Variants in LY6H observed in about 807,000 individuals in gnomAD.
LY6H encodes the protein lymphocyte antigen 6H.
In LY6H, 8 loss-of-function variants were observed where a neutral mutation model predicts 14.6. The observed-to-expected ratio is 0.55, with a 90% CI of 0.32 to 0.99. LY6H has a LOEUF of 0.99. Ranked by LOEUF, LY6H falls within the 50% of genes least tolerant of loss-of-function variation. The pLI, the probability that LY6H is intolerant of heterozygous loss-of-function variation, is 0.04. For missense variants in LY6H, 196 were observed against 219.6 expected, an observed-to-expected ratio of 0.89 and a Z score of 0.68; for synonymous variants, 115 against 97.2, an observed-to-expected ratio of 1.18 and a Z score of -1.08.
chr8:143,158,232 C>T lies in LY6H; in HGVS notation c.*18G>A, dbSNP rs768261089. 17 of 1,573,074 alleles carry T rather than the reference C, an allele frequency of 1.1e-5. No homozygotes were observed. The highest frequency in any genetic ancestry group is 2.2e-5 in the South Asian group (2 of 89,026). On this transcript the variant is annotated 3_prime_UTR_variant, in exon 4 of 4. Transcript: ENST00000342752. ...CTCAGGGGAGCAAGCTCAGAAGCCC[C>T]GTGGGAAGGAGGAGACATCAGGGCC...
intron 1 of LY6H, chr8:143,159,981 C>G (rs962240465): frequency 2.4e-6 from 3 of 1,232,798 alleles, no homozygotes; most frequent in Non-Finnish European, 2.0e-6. Context: ...CCCCGGGGAG[C>G]TGCAGGTGCG....
chr8:143,158,786 C>T lies in LY6H; in HGVS notation c.250+17G>A, dbSNP rs780729054. ...TGGCTTTTAGCACATTCCCCACCAC[C>T]CTAAGTCCCAACTTACTGCTGCTGG... On this transcript the variant is annotated intron_variant, in intron 3 of 3. Coordinates refer to ENST00000342752, the MANE Select transcript of LY6H (RefSeq NM_001135655.2). The T allele has an allele frequency of 2.5e-6, 4 of 1,570,778 alleles. No homozygotes were observed. The East Asian group carries it at 9.0e-5, about 35-fold the overall frequency.
chr8:143,160,061 G>T, intron 1 of LY6H, 137 bp downstream of exon 1: 2 of 907,486 alleles, frequency 2.2e-6, no homozygotes, highest in Non-Finnish European at 2.9e-6. Context: ...GCGCGTGCCA[G>T]GTCCCCACCC....
At position 143,160,247 on chromosome 8, in the gene LY6H, G is replaced by A. The variant is rs1815567700; in HGVS notation, c.-48C>T. The A allele has an allele frequency of 7.8e-7, 1 of 1,275,542 alleles. No individual in the cohort carries two copies. The highest frequency in any genetic ancestry group is 9.9e-7 in the Non-Finnish European group (1 of 1,009,976). The allele number at this position is 1,275,542 out of a possible 1,614,324, so 79.0% of individuals were successfully genotyped here. A position where few individuals can be genotyped will look rare whatever the true frequency, so the allele number is the denominator to read the frequency against. On this transcript the variant is annotated 5_prime_UTR_variant, in exon 1 of 4. Coordinates refer to ENST00000342752, the MANE Select transcript of LY6H (RefSeq NM_001135655.2). The stretch of plus-strand genomic sequence containing the variant: ...GCTCGGGCGGCGTGCGCGGCGCGGG[G>A]AGCTGTGCCCTTCGGTCTCCCTGCG...
intron 3 of LY6H, 78 bp downstream of exon 3, chr8:143,158,725 G>A (rs1815514112): frequency 7.3e-6 from 11 of 1,516,666 alleles, no homozygotes; most frequent in Non-Finnish European, 8.9e-6. Context: ...CAGGCCAGAG[G>A]GGCTCCGAGG....
In LY6H at chr8:143,159,612, G is replaced by A. The variant is rs765558327; in HGVS notation, c.100C>T (p.Leu34=). ...GCCGAGCACAGCAGGACGGCCAGCA[G>A]CGCCAGGCCGAGGCCCTTCATGGCT... is the stretch of plus-strand genomic sequence containing the variant. ...PAAMKGLGLA[L]LAVLLCSAPA... Residue 34 remains leucine, a synonymous_variant, in exon 2 of 4, where the codon CTG becomes TTG. Transcript: ENST00000342752. 2.0e-6 allele frequency: 3 copies of A among 1,494,034 alleles called. No individual in the cohort carries two copies. Among genetic ancestry groups the A allele is most frequent in the South Asian group, 1.2e-5 (1 of 80,284 alleles). 92.5% of individuals were successfully genotyped at this position (1,494,034 alleles called of 1,614,324 possible).
Position 143,160,260 on chromosome 8 carries a change from C to T in LY6H, c.-61G>A. ...GCGCGGCGCGGGGAGCTGTGCCCTT[C>T]GGTCTCCCTGCGGACCGGAATCCGG... On this transcript the variant is annotated 5_prime_UTR_variant, in exon 1 of 4. Transcript: ENST00000342752. 1.6e-6 allele frequency: 2 copies of T among 1,258,616 alleles called. No individual in the cohort carries two copies. The highest frequency in any genetic ancestry group is 2.0e-6 in the Non-Finnish European group (2 of 997,184). 78.0% of individuals were successfully genotyped at this position (1,258,616 alleles called of 1,614,324 possible).
rs569638836 is a variant in LY6H at position 143,158,295 on chromosome 8, C to T, written c.441G>A (p.Gly147=). 2.2e-4 allele frequency: 358 copies of T among 1,613,184 alleles called. 4 individuals carry two copies. The East Asian group carries it at 7.9e-3, about 36-fold the overall frequency. Residue 147 remains glycine (G), a synonymous_variant, in exon 4 of 4, where the codon GGG becomes GGA. Coordinates refer to ENST00000342752, the MANE Select transcript of LY6H (RefSeq NM_001135655.2). The stretch of plus-strand genomic sequence containing the variant: ...GGGCAGGCCCCAGGCTGAGCAGGAG[C>T]CCCCCGGCCAGGGCCCAGGGGCTGT... The part of the protein sequence containing the change: ...AGHSPWALAG[G]LLLSLGPALL...
At chr8:143,158,688 T>G in intron 3 of LY6H, 115 bp downstream of exon 3, 3 of 1,395,846 alleles carry the variant, frequency 2.1e-6, no homozygotes, top group Non-Finnish European at 2.9e-6. Context: ...GTATCCTGCC[T>G]GCCGCCCCAC....
chr8:143,159,367 A>C (rs1388844778), intron 2 of LY6H: 3 of 582,372 alleles, frequency 5.2e-6, no homozygotes, highest in Non-Finnish European at 8.6e-6. Flanking sequence ...GCCGCCCACC[A>C]GTTCCAGGCC....
chr8:143,159,328 G>A (rs1815535371), intron 2 of LY6H: 2 of 545,582 alleles, frequency 3.7e-6, no homozygotes, highest in South Asian at 2.5e-5. Flanking sequence ...CAGAGGTGAC[G>A]GATGACCAAG....
intron 3 of LY6H, 92 bp from the exon 4 acceptor site, chr8:143,158,577 C>T (rs1586673300): frequency 7.8e-7 from 1 of 1,285,120 alleles, no homozygotes; most frequent in Non-Finnish European, 1.1e-6. Flanking sequence ...TCCGGGTCAG[C>T]TCGGGGCCCC....
At chr8:143,159,462 C>T (rs1815538988) in intron 2 of LY6H, 120 bp downstream of exon 2, 4 of 1,196,594 alleles carry the variant, frequency 3.3e-6, no homozygotes, top group Non-Finnish European at 2.2e-6. Flanking sequence ...CCGGAGGGGG[C>T]GTGGGCTCTA....
At position 143,160,238 on chromosome 8, in the gene LY6H, C is replaced by T; in HGVS notation, c.-39G>A. On this transcript the variant is annotated 5_prime_UTR_variant, in exon 1 of 4. Transcript: ENST00000342752. ...GCACTCCGGGCTCGGGCGGCGTGCGCGGCGCGGGGAGCTGTGCCCTTCGGT... is the reference window on the plus strand; with the variant it reads ...GCACTCCGGGCTCGGGCGGCGTGCGTGGCGCGGGGAGCTGTGCCCTTCGGT... 1.6e-6 allele frequency: 2 copies of T among 1,279,102 alleles called. No homozygotes were observed. Among genetic ancestry groups the T allele is most frequent in the Non-Finnish European group, 2.0e-6 (2 of 1,012,316 alleles). The allele number at this position is 1,279,102 out of a possible 1,614,324, so 79.2% of individuals were successfully genotyped here.
At chr8:143,159,019 C>T (rs1289890820) in intron 2 of LY6H, 97 bp from the exon 3 acceptor site, 18 of 1,510,734 alleles carry the variant, frequency 1.2e-5, no homozygotes, top group Non-Finnish European at 1.6e-5. Flanking sequence ...GCAGGCACTC[C>T]TGGGAGAGCC....
chr8:143,159,531 C>A, intron 2 of LY6H, 51 bp downstream of exon 2: 2 of 1,445,396 alleles, frequency 1.4e-6, no homozygotes, highest in Non-Finnish European at 1.8e-6. Flanking sequence ...TCTCCCGCGG[C>A]GCCTCGGGCT....
chr8:143,158,475 A>C lies in LY6H; in HGVS notation c.261T>G (p.Asp87Glu). The change falls in exon 4 of 4, where the codon GAT becomes GAG. Residue 87 changes from aspartate (D) to glutamate (E), a missense_variant. By Grantham distance (45) the Asp-to-Glu change is conservative. Coordinates refer to ENST00000342752, the MANE Select transcript of LY6H (RefSeq NM_001135655.2). ...AGGCACACATCTTGTTCACCGAGTG[A>C]TCCTTCCTGCCTGGGAAGAGAAAGC... ...RITDPSSSRK[D>E]HSVNKMCASS... 6.2e-7 allele frequency: 1 copy of C among 1,612,844 alleles called. No homozygotes were observed. Among genetic ancestry groups the C allele is most frequent in the Non-Finnish European group, 8.5e-7 (1 of 1,179,032 alleles).
chr8:143,160,332 C>T (rs946034915), upstream of LY6H: 3 of 673,380 alleles, frequency 4.5e-6, no homozygotes, highest in Middle Eastern at 5.2e-4. Flanking sequence ...GCGGACCCCG[C>T]GCGAGGGGCG....
At chr8:143,159,177 C>G in intron 2 of LY6H, 1 of 600,182 alleles carries the variant, frequency 1.7e-6, no homozygotes, top group Non-Finnish European at 3.0e-6. Context: ...CACACACAAA[C>G]ACACACACGG....
Sources: allele counts gnomAD v4.1 joint callset, GRCh38; gene constraint gnomAD v4.1.1; transcripts MANE v1.5; gene names NCBI Gene and HGNC (gene_info 2026-07-23, HGNC 2026-07-21).